ATP5F1A: variants seen among roughly 807,000 people sequenced by gnomAD.
ATP5F1A encodes the protein ATP synthase F1 subunit alpha.
A neutral mutation model predicts 57.4 loss-of-function variants in ATP5F1A; 24 were observed. That is an observed-to-expected ratio of 0.42 (90% CI 0.30 to 0.59). The LOEUF is 0.59. Ranked by LOEUF, ATP5F1A falls within the 20% of genes least tolerant of loss-of-function variation. The pLI is 0.19. For synonymous variants in ATP5F1A, 251 were observed against 255.5 expected (o/e 0.98, Z 0.17); for missense variants, 494 against 707.9 (o/e 0.70, Z 3.43).
intron 10 of ATP5F1A, chr18:46,084,859 G>C: frequency 2.0e-6 from 1 of 495,778 alleles, no homozygotes; most frequent in Admixed American, 4.0e-5. Flanking sequence ...ATATTTTCAA[G>C]GCTTGAGGCA....
In ATP5F1A at chr18:46,086,372, G is replaced by A; in HGVS notation, c.1284+15C>T. 1 of 1,613,868 alleles carries A rather than the reference G, an allele frequency of 6.2e-7. No individual in the cohort carries two copies. The highest frequency in any genetic ancestry group is 1.1e-5 in the South Asian group (1 of 91,064). ...TAATGATAGCCCCCTTACTGCCAAA[G>A]TGATGCAAAATTACCTGCTTCATAG... On this transcript the variant is annotated intron_variant, in intron 9 of 11. Transcript: ENST00000398752.
chr18:46,096,228 C>T (rs1599790120), intron 1 of ATP5F1A, among the ~76,000 whole-genome samples: 2 of 149,454 alleles, frequency 1.3e-5, no homozygotes, highest in Non-Finnish European at 3.0e-5. Flanking sequence ...TGGCAGGGCA[C>T]GGTGGCTCAT....
chr18:46,086,737 A>G (rs868141258), intron 8 of ATP5F1A: 3 of 584,288 alleles, frequency 5.1e-6, no homozygotes, highest in Middle Eastern at 8.9e-4. Flanking sequence ...GAAGTGATAT[A>G]ATTTCTATTT....
At chr18:46,097,765 A>G in intron 1 of ATP5F1A, 2 of 991,474 alleles carry the variant, frequency 2.0e-6, no homozygotes, top group Non-Finnish European at 2.4e-6. Context: ...ACTAGCTTCA[A>G]CAAGAGCTGA....
chr18:46,103,641 C>T (rs376382111), intron 1 of ATP5F1A, among the ~76,000 whole-genome samples: 5 of 123,020 alleles, frequency 4.1e-5, no homozygotes, highest in Middle Eastern at 7.1e-3. Flanking sequence ...AAAAGCTGGG[C>T]GCGCTGGCTC....
At chr18:46,102,924 C>G (rs1156789805), upstream of ATP5F1A, among the ~76,000 whole-genome samples, 1 of 151,760 alleles carries the variant, frequency 6.6e-6, no homozygotes, top group East Asian at 1.9e-4. Flanking sequence ...CCAGCTTGGA[C>G]GAAAGAGCAA....
Position 46,086,070 on chromosome 18 carries a change from T to C in ATP5F1A, c.1429+43A>G, listed in dbSNP as rs776386976. 9 of 1,597,782 alleles carry C rather than the reference T, an allele frequency of 5.6e-6. No individual in the cohort carries two copies. In the Admixed American group the frequency reaches 1.0e-4, roughly 18 times the overall value. ...CTCTGTAGGCCTGGGAAGACCCTGATACACAATAGGAACCTGACCAAATGA... is the reference window on the plus strand; with the variant it reads ...CTCTGTAGGCCTGGGAAGACCCTGACACACAATAGGAACCTGACCAAATGA... On this transcript the variant is annotated intron_variant, in intron 10 of 11. Coordinates refer to ENST00000398752, the MANE Select transcript of ATP5F1A (RefSeq NM_004046.6).
intron 5 of ATP5F1A, 77 bp downstream of exon 5, chr18:46,089,489 C>T: frequency 6.5e-7 from 1 of 1,529,670 alleles, no homozygotes. Flanking sequence ...TTACCATTTA[C>T]CATTCCAAGA....
chr18:46,094,484 T>C (rs1208726658), intron 2 of ATP5F1A, among the ~76,000 whole-genome samples: 1 of 152,042 alleles, frequency 6.6e-6, no homozygotes, highest in African/African-American at 2.4e-5. Flanking sequence ...CTGGCCAACA[T>C]GGTGAAACCT....
chr18:46,096,793 C>T (rs1193505220), intron 1 of ATP5F1A, among the ~76,000 whole-genome samples: 3 of 151,694 alleles, frequency 2.0e-5, no homozygotes, highest in Admixed American at 1.3e-4. Flanking sequence ...ACCAGCCTAG[C>T]CAACATGGTG....
At chr18:46,096,748 G>A (rs1374406320) in intron 1 of ATP5F1A, among the ~76,000 whole-genome samples, 1 of 151,012 alleles carries the variant, frequency 6.6e-6, no homozygotes, top group Non-Finnish European at 1.5e-5. Context: ...TCAGAAGGCC[G>A]AGGCGAGCGG....
In ATP5F1A at chr18:46,098,261, T is replaced by C. The variant is rs367797793; in HGVS notation, c.-30A>G. 35 of 1,595,770 alleles carry C rather than the reference T, an allele frequency of 2.2e-5. No homozygotes were observed. Among genetic ancestry groups the C allele is most frequent in the South Asian group, 1.7e-4 (15 of 90,160 alleles). ...GCAGTTACTCCGCAGGCGGTACTTC[T>C]GCAGCCGCAGCCTCCGGACTGACTG... is the stretch of plus-strand genomic sequence containing the variant. On this transcript the variant is annotated 5_prime_UTR_variant, in exon 1 of 12. Transcript: ENST00000398752.
In ATP5F1A at chr18:46,090,014, T is replaced by C. The variant is rs2298787; in HGVS notation, c.310-18A>G. On this transcript the variant is annotated intron_variant, in intron 3 of 11. Transcript: ENST00000398752. ...GACATACCCTGCACAAAAGACACAA[T>C]TGAACATCAATGAAGCTGAATGGGC... is the stretch of plus-strand genomic sequence containing the variant. 0.41 allele frequency: 633,708 copies of C among 1,540,656 alleles called. 132,774 individuals carry two copies. Among genetic ancestry groups the C allele is most frequent in the Middle Eastern group, 0.52 (2,967 of 5,746 alleles).
upstream of ATP5F1A, among the ~76,000 whole-genome samples, chr18:46,101,361 T>A (rs1325056011): frequency 6.6e-6 from 1 of 151,150 alleles, no homozygotes; most frequent in Non-Finnish European, 1.5e-5. Context: ...GGTCAGGAGT[T>A]CAAGACCAGC....
Position 46,087,501 on chromosome 18 carries a change from A to T in ATP5F1A, c.800-9T>A. The T allele has an allele frequency of 1.2e-6, 2 of 1,608,930 alleles. No homozygotes were observed. Among genetic ancestry groups the T allele is most frequent in the Middle Eastern group, 1.7e-4 (1 of 6,040 alleles). On this transcript the variant is annotated splice_polypyrimidine_tract_variant and intron_variant, in intron 6 of 11. Coordinates refer to ENST00000398752, the MANE Select transcript of ATP5F1A (RefSeq NM_004046.6). ...GGTGTACTTCATGGCATCTGAGAAAATATATTTTACAATTTTATCAATATT... is the reference window on the plus strand; with the variant it reads ...GGTGTACTTCATGGCATCTGAGAAATTATATTTTACAATTTTATCAATATT...
At position 46,084,666 on chromosome 18, in the gene ATP5F1A, C is replaced by T; in HGVS notation, c.1430-12G>A. The T allele has an allele frequency of 9.0e-6, 14 of 1,547,978 alleles. No individual in the cohort carries two copies. The highest frequency in any genetic ancestry group is 1.2e-5 in the Non-Finnish European group (14 of 1,152,804). On this transcript the variant is annotated splice_polypyrimidine_tract_variant and intron_variant, in intron 10 of 11. Coordinates refer to ENST00000398752, the MANE Select transcript of ATP5F1A (RefSeq NM_004046.6). ...AATAGCCATGGGAGCTGAAAAGATA[C>T]AAGAAGAATGCCAAGTGAGTTGCTC...
chr18:46,088,027 C>T (rs1910249484), intron 6 of ATP5F1A, 82 bp downstream of exon 6: 4 of 1,473,516 alleles, frequency 2.7e-6, no homozygotes, highest in Non-Finnish European at 2.8e-6. Flanking sequence ...TTAAAATATG[C>T]CTTCATTAAG....
chr18:46,086,969 A>T (rs1252449728), intron 8 of ATP5F1A, 39 bp downstream of exon 8: 3 of 1,597,644 alleles, frequency 1.9e-6, no homozygotes, highest in Non-Finnish European at 2.6e-6. Flanking sequence ...GAATTATCCA[A>T]ATCTTTTTTA....
chr18:46,095,010 T>G (rs771421663), intron 2 of ATP5F1A, 43 bp downstream of exon 2: 1 of 1,550,070 alleles, frequency 6.5e-7, no homozygotes, highest in South Asian at 1.2e-5. Flanking sequence ...AATTTATATC[T>G]TCATCTAGTA....
Sources: allele counts gnomAD v4.1 joint callset (sites outside exome capture counted in the v4.1 genomes callset), GRCh38; gene constraint gnomAD v4.1.1; transcripts MANE v1.5; gene names NCBI Gene and HGNC (gene_info 2026-07-23, HGNC 2026-07-21).